FOXN3: variants seen among roughly 807,000 people sequenced by gnomAD.
The protein encoded by FOXN3 is forkhead box protein N3.
In FOXN3, 7 loss-of-function variants were observed where a neutral mutation model predicts 38.4. The ratio of observed to expected loss-of-function variants is 0.18; its 90% CI spans 0.10 to 0.34. The LOEUF (loss-of-function observed/expected upper bound fraction) is 0.34. Among genes scored for constraint, FOXN3 ranks in the 10% least tolerant of loss-of-function variants. The pLI, the probability that FOXN3 is intolerant of heterozygous loss-of-function variation, is 1.00. For synonymous variants in FOXN3, 230 were observed against 242.2 expected (o/e 0.95, Z 0.47); for missense variants, 456 against 613.4 (o/e 0.74, Z 2.71).
At chr14:89,297,949 C>T (rs1461507918) in intron 3 of FOXN3, among the ~76,000 whole-genome samples, 1 of 152,306 alleles carries the variant, frequency 6.6e-6, no homozygotes, top group Middle Eastern at 3.4e-3. Flanking sequence ...CATGCTACTG[C>T]ACTCTGGCCT....
chr14:89,585,168 T>C (rs1201888634), intron 1 of FOXN3, among the ~76,000 whole-genome samples: 1 of 152,234 alleles, frequency 6.6e-6, no homozygotes, highest in Non-Finnish European at 1.5e-5. Flanking sequence ...TCTATAATTT[T>C]GCTGATGCTG....
chr14:89,479,498 G>C (rs1345314283), intron 1 of FOXN3, among the ~76,000 whole-genome samples: 1 of 152,052 alleles, frequency 6.6e-6, no homozygotes, highest in East Asian at 1.9e-4. Flanking sequence ...CAGAATCCCA[G>C]AGCTGTAGTC....
intron 2 of FOXN3, among the ~76,000 whole-genome samples, chr14:89,383,672 T>C (rs912354231): frequency 6.6e-6 from 1 of 151,698 alleles, no homozygotes; most frequent in African/African-American, 2.4e-5. Context: ...ATCTGTTTCC[T>C]TTCCTCTCCT....
At position 89,336,137 on chromosome 14, in the gene FOXN3, T is replaced by TACACACACACACACAC. The variant is rs34950734; in HGVS notation, c.680+14519_680+14534dup. Among the ~76,000 whole-genome samples the TACACACACACACACAC allele has an allele frequency of 1.7e-3, 236 of 140,124 alleles. 1 individual carries two copies. The highest frequency in any genetic ancestry group is 6.0e-3 in the African/African-American group (227 of 38,036). The allele number at this position is 140,124 out of a possible 152,430, so 91.9% of individuals were successfully genotyped here. A position where few individuals can be genotyped will look rare whatever the true frequency, so the allele number is the denominator to read the frequency against. ...TTTTGTCTAAAACAGAAGTGATCCT[T>TACACACACACACACAC]ACACACACACACACACACACACACA... On this transcript the variant is annotated intron_variant, in intron 3 of 5. Transcript: ENST00000557258.
At chr14:89,339,907 G>A (rs1888567091) in intron 3 of FOXN3, among the ~76,000 whole-genome samples, 1 of 152,220 alleles carries the variant, frequency 6.6e-6, no homozygotes, top group African/African-American at 2.4e-5. Flanking sequence ...AGCTTGAAAT[G>A]CAGGGAAATC....
chr14:89,520,009 C>CTTTTTTTTTTTTTTTTTTTTTT (rs1399574593), intron 1 of FOXN3, among the ~76,000 whole-genome samples: 1 of 144,612 alleles, frequency 6.9e-6, no homozygotes, highest in African/African-American at 2.8e-5. Flanking sequence ...TTCTTTTTTT[C>CTTTTTTTTTTTTTTTTTTTTTT]TTTTTTTCTT....
chr14:89,198,558 T>C (rs970516828), intron 4 of FOXN3, among the ~76,000 whole-genome samples: 53 of 152,254 alleles, frequency 3.5e-4, no homozygotes, highest in African/African-American at 1.2e-3. Context: ...ACGCACACCT[T>C]GTATACTAAG....
chr14:89,180,492 C>A (rs1422223845), intron 5 of FOXN3, among the ~76,000 whole-genome samples: 3 of 152,192 alleles, frequency 2.0e-5, no homozygotes, highest in Admixed American at 2.0e-4. Context: ...TGTAAAGAGA[C>A]CAGGATCATC....
intron 4 of FOXN3, among the ~76,000 whole-genome samples, chr14:89,250,970 A>G (rs1885437805): frequency 6.6e-6 from 1 of 152,100 alleles, no homozygotes; most frequent in South Asian, 2.1e-4. Flanking sequence ...GAGTCCATTA[A>G]TCCTCTTTAT....
In FOXN3 at chr14:89,433,120, G is replaced by A. The variant is rs558938389; in HGVS notation, c.-14-20630C>T. On this transcript the variant is annotated intron_variant, in intron 1 of 6. Coordinates refer to the FOXN3 transcript ENST00000345097. ...CTGTAATCCTTTGGGAGGCCGAGGC[G>A]GGGTGAGTCACCTGAGGTCAGGAGT... Among the ~76,000 whole-genome samples the A allele has an allele frequency of 3.5e-4, 54 of 152,222 alleles. No homozygotes were observed. In the South Asian group the frequency reaches 8.9e-3, roughly 25 times the overall value.
chr14:89,352,440 G>T (rs1330920083), intron 2 of FOXN3, among the ~76,000 whole-genome samples: 2 of 152,112 alleles, frequency 1.3e-5, no homozygotes, highest in Non-Finnish European at 2.9e-5. Flanking sequence ...AGAGGTTTGG[G>T]GGGAAAGACA....
At chr14:89,512,071 A>T (rs180670960) in intron 1 of FOXN3, among the ~76,000 whole-genome samples, 1 of 152,164 alleles carries the variant, frequency 6.6e-6, no homozygotes, top group South Asian at 2.1e-4. Context: ...CCTTAGAGGC[A>T]AAAAGGACAG....
At chr14:89,413,957 A>G (rs1891620091) in intron 1 of FOXN3, among the ~76,000 whole-genome samples, 1 of 127,142 alleles carries the variant, frequency 7.9e-6, no homozygotes, top group South Asian at 3.3e-4. Context: ...GGGGAGGAGG[A>G]GGAGGGATGG....
At chr14:89,235,861 C>G (rs1193756029) in intron 4 of FOXN3, among the ~76,000 whole-genome samples, 2 of 134,168 alleles carry the variant, frequency 1.5e-5, no homozygotes, top group East Asian at 3.8e-4. Flanking sequence ...TTTTAGCCCC[C>G]CAAGACTGAT....
rs911217586 is a variant in FOXN3 at position 89,158,873 on chromosome 14, C to G, written c.*3541G>C. 2 of 152,350 alleles carry G rather than the reference C, an allele frequency of 1.3e-5. No homozygotes were observed. The highest frequency in any genetic ancestry group is 2.9e-5 in the Non-Finnish European group (2 of 68,016). The allele number at this position is 152,350 out of a possible 1,614,324, so 9.4% of individuals were successfully genotyped here. On this transcript the variant is annotated 3_prime_UTR_variant, in exon 6 of 6. Coordinates refer to ENST00000557258, the MANE Select transcript of FOXN3 (RefSeq NM_005197.4). ...TATAGTTCCCCGTTTCCCCCTCCCC[C>G]CTGCCCCGTGTGAGTATGTGAGATA...
intron 2 of FOXN3, among the ~76,000 whole-genome samples, chr14:89,384,412 CA>C (rs1324861991): frequency 6.6e-6 from 1 of 152,234 alleles, no homozygotes; most frequent in Non-Finnish European, 1.5e-5. Context: ...CTGCATCTGA[CA>C]ACCAGCTCTT....
intron 1 of FOXN3, among the ~76,000 whole-genome samples, chr14:89,585,461 T>G (rs1566709395): frequency 6.6e-6 from 1 of 152,148 alleles, no homozygotes; most frequent in Non-Finnish European, 1.5e-5. Context: ...GCTAGAGAAA[T>G]TCATTCCCCC....
At position 89,511,142 on chromosome 14, in the gene FOXN3, T is replaced by C. The variant is rs1211372705; in HGVS notation, c.-14-98652A>G. Reference sequence around the variant, plus strand: ...TTGGTGTCTTTCTTTCTTTCTTTCTTTTCTTTCTTTCTTTCTTTCTTTCTT... The same window carrying C: ...TTGGTGTCTTTCTTTCTTTCTTTCTCTTCTTTCTTTCTTTCTTTCTTTCTT... On this transcript the variant is annotated intron_variant, in intron 1 of 6. Coordinates refer to the FOXN3 transcript ENST00000345097. Among the ~76,000 whole-genome samples the C allele has an allele frequency of 6.0e-4, 2 of 3,356 alleles. 1 individual carries two copies. The highest frequency in any genetic ancestry group is 4.9e-3 in the Non-Finnish European group (2 of 412). The allele number at this position is 3,356 out of a possible 152,430, so 2.2% of individuals were successfully genotyped here.
intron 1 of FOXN3, among the ~76,000 whole-genome samples, chr14:89,597,205 C>T (rs137941294): frequency 0.01 from 1,568 of 152,150 alleles, 14 homozygotes; most frequent in African/African-American, 0.036. Flanking sequence ...CTTTCCATTG[C>T]CATTTATTCT....
Sources: allele counts gnomAD v4.1 joint callset (sites outside exome capture counted in the v4.1 genomes callset), GRCh38; gene constraint gnomAD v4.1.1; transcripts MANE v1.5; gene names NCBI Gene and HGNC (gene_info 2026-07-23, HGNC 2026-07-21).